CDC42SE2: variants seen among roughly 807,000 people sequenced by gnomAD.
CDC42SE2 encodes CDC42 small effector protein 2.
In CDC42SE2, 3 loss-of-function variants were observed where a neutral mutation model predicts 11.5. The observed-to-expected ratio is 0.26, with a 90% CI of 0.12 to 0.67. The LOEUF (loss-of-function observed/expected upper bound fraction) is 0.67. Among genes scored for constraint, CDC42SE2 ranks in the 30% least tolerant of loss-of-function variants. The pLI is 0.80. For missense variants in CDC42SE2, 82 were observed against 106.8 expected, an observed-to-expected ratio of 0.77 and a Z score of 1.02; for synonymous variants, 33 against 34.8, an observed-to-expected ratio of 0.95 and a Z score of 0.18.
the CDC42SE2 span, among the ~76,000 whole-genome samples, chr5:131,216,642 G>A: frequency 6.6e-6 from 1 of 152,028 alleles, no homozygotes; most frequent in Non-Finnish European, 1.5e-5. Flanking sequence ...TTAGCTAGAG[G>A]ACACAGCTCA....
chr5:131,211,702 C>T, the CDC42SE2 span, among the ~76,000 whole-genome samples: 1 of 152,188 alleles, frequency 6.6e-6, no homozygotes, highest in Non-Finnish European at 1.5e-5. Context: ...AATTAAATTG[C>T]CTGGTGCAGT....
At chr5:131,286,421 C>T (rs147186576) in intron 1 of CDC42SE2, among the ~76,000 whole-genome samples, 110 of 131,706 alleles carry the variant, frequency 8.4e-4, no homozygotes, top group South Asian at 7.3e-3. Context: ...ATAAAGCATT[C>T]CTGCCCTTGA....
intron 1 of CDC42SE2, among the ~76,000 whole-genome samples, chr5:131,273,921 G>A (rs1757047778): frequency 6.6e-6 from 1 of 152,024 alleles, no homozygotes. Context: ...GGGACCACAG[G>A]TATGTGCCAC....
chr5:131,369,513 T>C (rs553920897), intron 3 of CDC42SE2, among the ~76,000 whole-genome samples: 1 of 152,336 alleles, frequency 6.6e-6, no homozygotes, highest in Non-Finnish European at 1.5e-5. Flanking sequence ...AGACTTGATG[T>C]TACCATCTTA....
At chr5:131,382,394 C>T (rs927308173) in intron 3 of CDC42SE2, among the ~76,000 whole-genome samples, 7 of 152,218 alleles carry the variant, frequency 4.6e-5, no homozygotes, top group Non-Finnish European at 8.8e-5. Context: ...TCCCCCAACA[C>T]AGTCCTGCAG....
Position 131,332,311 on chromosome 5 carries a change from G to C in CDC42SE2, c.-286+16167G>C, listed in dbSNP as rs187431308. Among the ~76,000 whole-genome samples the C allele has an allele frequency of 5.9e-5, 9 of 152,282 alleles. No homozygotes were observed. In the East Asian group the frequency reaches 1.5e-3, roughly 26 times the overall value. ...AGGACATGAACTCCTCCTGTTTTATGGCTGCATAGTATTCCACGGTGTATA... is the reference window on the plus strand; with the variant it reads ...AGGACATGAACTCCTCCTGTTTTATCGCTGCATAGTATTCCACGGTGTATA... On this transcript the variant is annotated intron_variant, in intron 2 of 4. Transcript: ENST00000505065.
At position 131,334,751 on chromosome 5, in the gene CDC42SE2, G is replaced by A. The variant is rs558877719; in HGVS notation, c.-286+18607G>A. On this transcript the variant is annotated intron_variant, in intron 2 of 4. Transcript: ENST00000505065. ...CTTCTAGATTTTCTAGTTTATTTGC[G>A]TAGAGGTGTTTATAGTATTCTCTGA... Among the ~76,000 whole-genome samples the A allele has an allele frequency of 1.1e-3, 171 of 152,128 alleles. No individual in the cohort carries two copies. In the East Asian group the frequency reaches 0.015, roughly 14 times the overall value.
In CDC42SE2 at chr5:131,328,081, T is replaced by C. The variant is rs533506892; in HGVS notation, c.-286+11937T>C. Among the ~76,000 whole-genome samples the C allele has an allele frequency of 1.8e-4, 27 of 152,226 alleles. No individual in the cohort carries two copies. In the South Asian group the frequency reaches 5.6e-3, roughly 32 times the overall value. On this transcript the variant is annotated intron_variant, in intron 2 of 4. Transcript: ENST00000505065. ...CCTTTTTATAATGAACCCATTGAAA[T>C]GGGGCACATAGTCTTAAATATGATG...
chr5:131,232,993 C>T, the CDC42SE2 span, among the ~76,000 whole-genome samples: 9 of 151,822 alleles, frequency 5.9e-5, 1 homozygote, highest in South Asian at 1.9e-3. Flanking sequence ...GGAAAGGCTT[C>T]TTCCCATCTC....
intron 3 of CDC42SE2, among the ~76,000 whole-genome samples, chr5:131,382,829 A>G (rs1750363615): frequency 6.6e-6 from 1 of 152,178 alleles, no homozygotes; most frequent in Non-Finnish European, 1.5e-5. Flanking sequence ...TGCTGAGAAA[A>G]TTCGTATCCT....
chr5:131,255,992 C>T (rs1430327718), intron 2 of CDC42SE2, among the ~76,000 whole-genome samples: 1 of 152,110 alleles, frequency 6.6e-6, no homozygotes, highest in Non-Finnish European at 1.5e-5. Flanking sequence ...AGATAATCTG[C>T]AAAACAAACC....
the CDC42SE2 span, among the ~76,000 whole-genome samples, chr5:131,239,054 G>C: frequency 6.6e-6 from 1 of 151,996 alleles, no homozygotes; most frequent in South Asian, 2.1e-4. Flanking sequence ...TACTCAGGAG[G>C]CTGAGGCAGG....
intron 1 of CDC42SE2, among the ~76,000 whole-genome samples, chr5:131,314,407 AT>A (rs543798194): frequency 6.6e-6 from 1 of 151,332 alleles, no homozygotes. Context: ...AACTTAAAAC[AT>A]TTTTTTTGTT....
At chr5:131,300,946 T>C (rs541052152) in intron 1 of CDC42SE2, among the ~76,000 whole-genome samples, 1 of 152,328 alleles carries the variant, frequency 6.6e-6, no homozygotes, top group South Asian at 2.1e-4. Context: ...GTAAACACTT[T>C]ATACATCTTA....
the CDC42SE2 span, among the ~76,000 whole-genome samples, chr5:131,226,315 C>T: frequency 2.0e-5 from 3 of 152,192 alleles, no homozygotes; most frequent in Non-Finnish European, 4.4e-5. Flanking sequence ...AGCAGGAAAG[C>T]TCTAGGTTTG....
chr5:131,308,397 C>A (rs1757824786), intron 1 of CDC42SE2, among the ~76,000 whole-genome samples: 3 of 151,952 alleles, frequency 2.0e-5, no homozygotes, highest in African/African-American at 7.2e-5. Context: ...CAGCTTTGTT[C>A]TTTTGGCTTA....
At chr5:131,387,676 A>G (rs1024342558) in intron 4 of CDC42SE2, among the ~76,000 whole-genome samples, 1 of 152,056 alleles carries the variant, frequency 6.6e-6, no homozygotes, top group African/African-American at 2.4e-5. Flanking sequence ...TTGGCTTACT[A>G]TTTTTTTGCT....
chr5:131,365,669 A>G (rs563343270), intron 3 of CDC42SE2, among the ~76,000 whole-genome samples: 21 of 152,352 alleles, frequency 1.4e-4, no homozygotes, highest in Admixed American at 7.8e-4. Context: ...AAATGGATTT[A>G]CTTAATAAAA....
the CDC42SE2 span, among the ~76,000 whole-genome samples, chr5:131,239,818 G>A: frequency 6.5e-4 from 99 of 152,246 alleles, no homozygotes; most frequent in African/African-American, 2.3e-3. Context: ...TTGGGGAAGG[G>A]GATCTCTATC....
Sources: gnomAD v4.1 joint callset for allele counts (sites outside exome capture counted in the v4.1 genomes callset) on GRCh38, gnomAD v4.1.1 for gene constraint, MANE v1.5 for transcripts, NCBI Gene and HGNC (gene_info 2026-07-23, HGNC 2026-07-21) for gene names.